Variants in UBE2H observed in about 807,000 individuals in gnomAD.
The protein encoded by UBE2H is ubiquitin conjugating enzyme E2 H, also known as ubiquitin-conjugating enzyme E2 H.
In UBE2H, 3 loss-of-function variants were observed where a neutral mutation model predicts 29.0. The ratio of observed to expected loss-of-function variants is 0.10; its 90% confidence interval spans 0.05 to 0.27. The LOEUF is 0.27. Ranked by LOEUF, UBE2H falls within the 10% of genes least tolerant of loss-of-function variation. The pLI is 1.00. For synonymous variants in UBE2H, 69 were observed against 82.9 expected, an observed-to-expected ratio of 0.83 and a Z score of 0.91; for missense variants, 68 against 228.2, an observed-to-expected ratio of 0.30 and a Z score of 4.52.
At chr7:129,938,497 C>T (rs1807576276) in intron 1 of UBE2H, among the ~76,000 whole-genome samples, 1 of 148,496 alleles carries the variant, frequency 6.7e-6, no homozygotes, top group Non-Finnish European at 1.5e-5. Context: ...GGTGGATCAC[C>T]TGAGGTCAGG....
intron 1 of UBE2H, among the ~76,000 whole-genome samples, chr7:129,939,324 C>A (rs1344629468): frequency 1.3e-5 from 2 of 152,182 alleles, no homozygotes; most frequent in Admixed American, 6.5e-5. Flanking sequence ...AAGGAATGAG[C>A]CACTGCAACC....
chr7:129,934,107 A>C (rs1807466400), intron 1 of UBE2H, among the ~76,000 whole-genome samples: 1 of 152,108 alleles, frequency 6.6e-6, no homozygotes, highest in Admixed American at 6.6e-5. Context: ...AGATCACTTG[A>C]GCTCAGGAGT....
intron 1 of UBE2H, among the ~76,000 whole-genome samples, chr7:129,895,315 G>C (rs890372544): frequency 6.6e-6 from 1 of 152,142 alleles, no homozygotes; most frequent in Non-Finnish European, 1.5e-5. Flanking sequence ...TAAGGGTGGA[G>C]GGGAGACGAA....
At position 129,949,904 on chromosome 7, in the gene UBE2H, G is replaced by A. The variant is rs191877557; in HGVS notation, c.53+2599C>T. Among the ~76,000 whole-genome samples the A allele has an allele frequency of 6.9e-3, 1,050 of 152,230 alleles. 5 individuals carry two copies. Among genetic ancestry groups the A allele is most frequent in the Non-Finnish European group, 0.011 (776 of 68,012 alleles). ...CCCCCCACACCAAAGAAATCATCAA[G>A]GGGCATGGGGGGCAAGAAGTGCATT... On this transcript the variant is annotated intron_variant, in intron 1 of 6. Transcript: ENST00000355621.
intron 1 of UBE2H, among the ~76,000 whole-genome samples, chr7:129,909,813 A>G (rs150721060): frequency 4.9e-4 from 74 of 152,324 alleles, no homozygotes; most frequent in Non-Finnish European, 4.9e-4. Context: ...GGATCTAGGG[A>G]CAAAGAGATA....
At chr7:129,852,652 C>T (rs1325066015) in intron 5 of UBE2H, among the ~76,000 whole-genome samples, 1 of 152,140 alleles carries the variant, frequency 6.6e-6, no homozygotes, top group Non-Finnish European at 1.5e-5. Context: ...TGGCTAGCAA[C>T]CCTAAGAGTG....
chr7:129,952,610 C>CCCGGCTCTGAGGAGCCCGCGGCCGCG lies in UBE2H; in HGVS notation c.-81_-56dup, dbSNP rs539102658. ...GGCCCGTCTGTCACGGGCCCGGGGC[C>CCCGGCTCTGAGGAGCCCGCGGCCGCG]CCGGCTCTGAGGAGCCCGCGGCCGC... On this transcript the variant is annotated 5_prime_UTR_variant, in exon 1 of 7. Transcript: ENST00000355621. 5.0e-6 allele frequency: 8 copies of CCCGGCTCTGAGGAGCCCGCGGCCGCG among 1,598,442 alleles called. No homozygotes were observed. The highest frequency in any genetic ancestry group is 4.4e-5 in the South Asian group (4 of 90,204).
chr7:129,895,256 G>A (rs1163691650), intron 1 of UBE2H, among the ~76,000 whole-genome samples: 1 of 152,132 alleles, frequency 6.6e-6, no homozygotes, highest in African/African-American at 2.4e-5. Flanking sequence ...TCACATGGGG[G>A]CTATGGCATG....
Position 129,952,651 on chromosome 7 carries a change from G to A in UBE2H, c.-96C>T. The A allele has an allele frequency of 2.0e-6, 3 of 1,480,108 alleles. No homozygotes were observed. Among genetic ancestry groups the A allele is most frequent in the Non-Finnish European group, 2.7e-6 (3 of 1,101,666 alleles). 91.7% of individuals were successfully genotyped at this position (1,480,108 alleles called of 1,614,324 possible). ...CCGCGGCCGCGCCGGCTCCTCGGTG[G>A]AGGTGGCAACACCCCCGCGGTCCCG... On this transcript the variant is annotated 5_prime_UTR_variant, in exon 1 of 7. Coordinates refer to ENST00000355621, the MANE Select transcript of UBE2H (RefSeq NM_003344.4).
chr7:129,880,792 T>C, intron 2 of UBE2H, 103 bp downstream of exon 2: 1 of 985,194 alleles, frequency 1.0e-6, no homozygotes, highest in African/African-American at 1.7e-5. Context: ...CAACTAAACT[T>C]GCTTTTCAGA....
In UBE2H at chr7:129,832,075, A is replaced by G. The variant is rs1805238560; in HGVS notation, c.*2862T>C. ...TGTTGGAAGGGCAGCCTGGAAAGGCATTTGGTGGTGAAACACCGCTGCTCC... is the reference window on the plus strand; with the variant it reads ...TGTTGGAAGGGCAGCCTGGAAAGGCGTTTGGTGGTGAAACACCGCTGCTCC... On this transcript the variant is annotated 3_prime_UTR_variant, in exon 7 of 7. Transcript: ENST00000355621. The G allele has an allele frequency of 6.6e-6, 1 of 152,220 alleles. No individual in the cohort carries two copies. 9.4% of individuals were successfully genotyped at this position (152,220 alleles called of 1,614,324 possible).
At chr7:129,927,349 G>A (rs1011780512) in intron 1 of UBE2H, among the ~76,000 whole-genome samples, 1 of 152,136 alleles carries the variant, frequency 6.6e-6, no homozygotes, top group African/African-American at 2.4e-5. Flanking sequence ...AGACCAGCCT[G>A]GCCAAGATCG....
intron 4 of UBE2H, among the ~76,000 whole-genome samples, chr7:129,858,446 T>A (rs972890687): frequency 3.9e-5 from 6 of 152,200 alleles, no homozygotes; most frequent in Non-Finnish European, 5.9e-5. Flanking sequence ...TGGAATATTT[T>A]AAAGTATCAT....
At chr7:129,925,580 T>C (rs1225736594) in intron 1 of UBE2H, among the ~76,000 whole-genome samples, 1 of 152,198 alleles carries the variant, frequency 6.6e-6, no homozygotes, top group Non-Finnish European at 1.5e-5. Flanking sequence ...ACCCCGATTG[T>C]ATTCAGGGCA....
chr7:129,845,984 C>T (rs1218673934), intron 5 of UBE2H, among the ~76,000 whole-genome samples: 2 of 152,124 alleles, frequency 1.3e-5, no homozygotes, highest in African/African-American at 2.4e-5. Flanking sequence ...ATTTCAGCTA[C>T]CTGTATCCCT....
Position 129,879,662 on chromosome 7 carries a change from G to A in UBE2H, c.131-20C>T. ...ATGGTGCTGAAATAAAAGTAAAAAT[G>A]TTCATCAGAACTACATCTCCAAATT... On this transcript the variant is annotated intron_variant, in intron 2 of 6. Coordinates refer to ENST00000355621, the MANE Select transcript of UBE2H (RefSeq NM_003344.4). The A allele has an allele frequency of 1.9e-6, 3 of 1,598,344 alleles. No homozygotes were observed. The highest frequency in any genetic ancestry group is 2.6e-6 in the Non-Finnish European group (3 of 1,168,722).
At chr7:129,868,940 T>C (rs1421577291) in intron 3 of UBE2H, among the ~76,000 whole-genome samples, 1 of 149,634 alleles carries the variant, frequency 6.7e-6, no homozygotes, top group African/African-American at 2.4e-5. Context: ...TCTCTCTTTT[T>C]TTTTTTTTTT....
At chr7:129,861,564 T>C (rs1805803781) in intron 3 of UBE2H, among the ~76,000 whole-genome samples, 1 of 152,160 alleles carries the variant, frequency 6.6e-6, no homozygotes. Flanking sequence ...GTAATTTTAA[T>C]AGTTGAGCTT....
intron 1 of UBE2H, among the ~76,000 whole-genome samples, chr7:129,890,118 CA>C (rs1806444430): frequency 6.6e-6 from 1 of 151,910 alleles, no homozygotes; most frequent in African/African-American, 2.4e-5. Context: ...GGGTGACAAA[CA>C]TAGACCCTGT....
Sources: gnomAD v4.1 joint callset for allele counts (sites outside exome capture counted in the v4.1 genomes callset) on GRCh38, gnomAD v4.1.1 for gene constraint, MANE v1.5 for transcripts, NCBI Gene and HGNC (gene_info 2026-07-23, HGNC 2026-07-21) for gene names.